DPP6: variants seen among roughly 807,000 people sequenced by gnomAD.
The protein encoded by DPP6 is dipeptidyl peptidase like 6.
Under a neutral mutation model 122.6 loss-of-function variants are expected in DPP6, and 69 were observed. That is an observed-to-expected ratio of 0.56 (90% CI 0.46 to 0.69). The LOEUF is 0.69. DPP6 is among the 30% of genes least tolerant of loss of function. The pLI is 0.00. For synonymous variants in DPP6, 418 were observed against 433.1 expected, an observed-to-expected ratio of 0.97 and a Z score of 0.43; for missense variants, 928 against 1,116.9, an observed-to-expected ratio of 0.83 and a Z score of 2.41.
intron 1 of DPP6, among the ~76,000 whole-genome samples, chr7:154,002,875 C>T (rs1413622195): frequency 3.3e-5 from 5 of 152,268 alleles, no homozygotes; most frequent in Admixed American, 2.0e-4. Flanking sequence ...GTGAGAAATA[C>T]GGATGACAGG....
At chr7:154,137,116 T>A (rs1418972842) in intron 1 of DPP6, among the ~76,000 whole-genome samples, 3 of 152,192 alleles carry the variant, frequency 2.0e-5, no homozygotes, top group African/African-American at 7.2e-5. Context: ...CAGAAATTTT[T>A]TATTAGGGTA....
In DPP6 at chr7:154,459,510, A is replaced by G. The variant is rs186794696; in HGVS notation, c.358+13182A>G. Among the ~76,000 whole-genome samples the G allele has an allele frequency of 4.9e-3, 753 of 152,286 alleles. 4 individuals are homozygous for G. Among genetic ancestry groups the G allele is most frequent in the Non-Finnish European group, 8.5e-3 (578 of 68,008 alleles). ...TTTTATTAATTTTATTGAACAAGTA[A>G]TATGTATAAATAGAAAAACAGTAGA... On this transcript the variant is annotated intron_variant, in intron 2 of 25. Transcript: ENST00000377770.
the DPP6 span, among the ~76,000 whole-genome samples, chr7:153,821,982 C>CA: frequency 6.6e-6 from 1 of 152,138 alleles, no homozygotes; most frequent in Non-Finnish European, 1.5e-5. Context: ...GGGAGCCCTT[C>CA]AGGTCTTCTG....
intron 1 of DPP6, among the ~76,000 whole-genome samples, chr7:154,374,366 T>A (rs1187283095): frequency 6.6e-6 from 1 of 152,180 alleles, no homozygotes; most frequent in Non-Finnish European, 1.5e-5. Flanking sequence ...GAGTGTGGTA[T>A]CATCACTGTC....
intron 1 of DPP6, among the ~76,000 whole-genome samples, chr7:154,293,455 G>A (rs1805335305): frequency 6.6e-6 from 1 of 152,154 alleles, no homozygotes; most frequent in African/African-American, 2.4e-5. Flanking sequence ...GCTGAAGGAT[G>A]AGAAGGGGAG....
intron 1 of DPP6, among the ~76,000 whole-genome samples, chr7:154,112,431 G>A (rs1482637225): frequency 6.6e-6 from 1 of 152,036 alleles, no homozygotes; most frequent in Non-Finnish European, 1.5e-5. Context: ...GATCATTTGA[G>A]GCCAGAAGTT....
At chr7:154,554,739 T>C (rs916150111) in intron 4 of DPP6, among the ~76,000 whole-genome samples, 3 of 152,164 alleles carry the variant, frequency 2.0e-5, no homozygotes, top group African/African-American at 7.2e-5. Context: ...TATACCCATC[T>C]CTCTAGTAAG....
At chr7:154,763,336 AAAGG>A (rs771988185) in intron 8 of DPP6, among the ~76,000 whole-genome samples, 160 of 145,176 alleles carry the variant, frequency 1.1e-3, no homozygotes, top group South Asian at 1.8e-3. Flanking sequence ...CATCTCAAAA[AAAGG>A]AAGGAAGGAA....
chr7:154,831,802 G>A (rs758562505), intron 16 of DPP6, among the ~76,000 whole-genome samples: 4 of 152,094 alleles, frequency 2.6e-5, no homozygotes, highest in South Asian at 4.2e-4. Context: ...CCACATCTGC[G>A]CCTCCTCTGG....
In DPP6 at chr7:154,306,225, G is replaced by C. The variant is rs535103430; in HGVS notation, c.244-139989G>C. On this transcript the variant is annotated intron_variant, in intron 1 of 25. Coordinates refer to ENST00000377770, the MANE Select transcript of DPP6 (RefSeq NM_130797.4). ...GGGTCCCACATGGCACAGGGCGGCC[G>C]CTCGCCTTGTCCTGAGAAGACCACG... 3.9e-5 allele frequency among the ~76,000 whole-genome samples: 6 copies of C among 152,180 alleles called. No homozygotes were observed. The South Asian group carries it at 1.2e-3, about 32-fold the overall frequency.
At chr7:153,907,205 G>A (rs1180570798) in intron 1 of DPP6, among the ~76,000 whole-genome samples, 1 of 152,106 alleles carries the variant, frequency 6.6e-6, no homozygotes, top group Non-Finnish European at 1.5e-5. Flanking sequence ...TCTGAGTGCT[G>A]TAAGATGGTA....
At chr7:153,852,766 C>A in the DPP6 span, among the ~76,000 whole-genome samples, 1 of 152,280 alleles carries the variant, frequency 6.6e-6, no homozygotes, top group East Asian at 1.9e-4. Context: ...TAGTATTAAT[C>A]CTCTTGTGAA....
intron 1 of DPP6, among the ~76,000 whole-genome samples, chr7:154,401,896 T>C (rs1339415611): frequency 3.3e-5 from 5 of 151,930 alleles, no homozygotes; most frequent in South Asian, 4.2e-4. Flanking sequence ...CAAACAAATT[T>C]ACAAGAAAAA....
intron 7 of DPP6, among the ~76,000 whole-genome samples, chr7:154,720,985 T>TG (rs1841775674): frequency 6.6e-6 from 1 of 152,158 alleles, no homozygotes; most frequent in South Asian, 2.1e-4. Context: ...GCTGGAGACA[T>TG]GCTGTGACAA....
At chr7:154,008,539 TAGA>T (rs1488234466) in intron 1 of DPP6, among the ~76,000 whole-genome samples, 3 of 152,118 alleles carry the variant, frequency 2.0e-5, no homozygotes, top group African/African-American at 7.2e-5. Context: ...TATGTAGAAG[TAGA>T]AGACATTTCT....
At chr7:153,855,730 T>C in the DPP6 span, among the ~76,000 whole-genome samples, 17 of 152,184 alleles carry the variant, frequency 1.1e-4, 1 homozygote, top group Admixed American at 9.8e-4. Flanking sequence ...CTGCCTTAGC[T>C]CTCCCTTCCT....
intron 1 of DPP6, among the ~76,000 whole-genome samples, chr7:153,923,150 G>A (rs562917893): frequency 6.6e-6 from 1 of 152,290 alleles, no homozygotes; most frequent in East Asian, 1.9e-4. Context: ...CGGGAAAGAG[G>A]AATAGAAGGA....
rs138304753 is a variant in DPP6, at chr7:154,533,344, G to GA, written c.458-7187dup. 2.9e-4 allele frequency among the ~76,000 whole-genome samples: 44 copies of GA among 152,232 alleles called. No individual in the cohort carries two copies. The East Asian group carries it at 7.7e-3, about 27-fold the overall frequency. On this transcript the variant is annotated intron_variant, in intron 3 of 25. Transcript: ENST00000377770. Reference sequence around the variant, plus strand: ...TACATTTTACAAGCTAGATGACATGGACAAATCATCAAATGACTCCTATTT... The same window carrying GA: ...TACATTTTACAAGCTAGATGACATGGAACAAATCATCAAATGACTCCTATTT...
chr7:154,035,453 T>C (rs2533782), intron 1 of DPP6, among the ~76,000 whole-genome samples: 8 of 152,248 alleles, frequency 5.3e-5, no homozygotes, highest in Non-Finnish European at 1.0e-4. Flanking sequence ...AAACATGATG[T>C]GATGTCTCCC....
Sources: gnomAD v4.1 joint callset for allele counts (sites outside exome capture counted in the v4.1 genomes callset) on GRCh38, gnomAD v4.1.1 for gene constraint, MANE v1.5 for transcripts, NCBI Gene and HGNC (gene_info 2026-07-23, HGNC 2026-07-21) for gene names.